RPS6KA2: variants seen among roughly 807,000 people sequenced by gnomAD.
RPS6KA2 encodes ribosomal protein S6 kinase alpha-2.
Under a neutral mutation model 91.8 loss-of-function variants are expected in RPS6KA2, and 42 were observed. That is an observed-to-expected ratio of 0.46 (90% CI 0.36 to 0.59). RPS6KA2 has a LOEUF of 0.59. RPS6KA2 is among the 20% of genes least tolerant of loss of function. The pLI is 0.00. For synonymous variants in RPS6KA2, 414 were observed against 393.6 expected, an observed-to-expected ratio of 1.05 and a Z score of -0.61; for missense variants, 798 against 978.5, an observed-to-expected ratio of 0.82 and a Z score of 2.46.
chr6:166,661,731 A>T (rs1788169324), intron 2 of RPS6KA2, among the ~76,000 whole-genome samples: 1 of 151,646 alleles, frequency 6.6e-6, no homozygotes, highest in Admixed American at 6.6e-5. Flanking sequence ...TTTTTGTGAG[A>T]TTTTCTTTCC....
chr6:166,583,361 C>A (rs549156264), intron 1 of RPS6KA2, among the ~76,000 whole-genome samples: 31 of 152,282 alleles, frequency 2.0e-4, no homozygotes, highest in African/African-American at 7.2e-4. Flanking sequence ...CTGTGATCTG[C>A]GGAAACGGCT....
At position 166,627,203 on chromosome 6, in the gene RPS6KA2, C is replaced by G. The variant is rs1044546985; in HGVS notation, c.-184G>C. The G allele has an allele frequency of 9.6e-7, 1 of 1,040,048 alleles. No individual in the cohort carries two copies. Among genetic ancestry groups the G allele is most frequent in the South Asian group, 4.6e-5 (1 of 21,830 alleles). The allele number at this position is 1,040,048 out of a possible 1,614,324, so 64.4% of individuals were successfully genotyped here. A position where few individuals can be genotyped will look rare whatever the true frequency, so the allele number is the denominator to read the frequency against. On this transcript the variant is annotated 5_prime_UTR_variant, in exon 1 of 21. Transcript: ENST00000265678. Reference sequence around the variant, plus strand: ...GGCAGGCCGCGCCGGCCACCGCGGCCGGGGCCACAATCGCTCCCTCCGCCT... The same window carrying G: ...GGCAGGCCGCGCCGGCCACCGCGGCGGGGGCCACAATCGCTCCCTCCGCCT...
At position 166,857,792 on chromosome 6, in the gene RPS6KA2, A is replaced by G. The variant is rs190193086; in HGVS notation, c.123+408T>C. On this transcript the variant is annotated intron_variant, in intron 2 of 21. Transcript: ENST00000503859. ...TCCGCTCTTCTCCCCAGCTCTGCTG[A>G]GCACCTCATCAGACATTTTAAGCAG... Among the ~76,000 whole-genome samples the G allele has an allele frequency of 2.0e-3, 299 of 152,300 alleles. 2 individuals carry two copies. Among genetic ancestry groups the G allele is most frequent in the African/African-American group, 6.9e-3 (286 of 41,562 alleles).
intron 2 of RPS6KA2, among the ~76,000 whole-genome samples, chr6:166,781,951 C>T (rs1438499988): frequency 6.6e-6 from 1 of 152,182 alleles, no homozygotes; most frequent in South Asian, 2.1e-4. Flanking sequence ...CCACTAGTGG[C>T]CAGTAGCATG....
chr6:166,759,801 G>A (rs1211793462), intron 2 of RPS6KA2, among the ~76,000 whole-genome samples: 2 of 152,186 alleles, frequency 1.3e-5, no homozygotes, highest in Middle Eastern at 3.2e-3. Context: ...CAGCTCCTGC[G>A]GAAGACACAG....
intron 2 of RPS6KA2, among the ~76,000 whole-genome samples, chr6:166,755,206 G>A (rs977313207): frequency 6.6e-6 from 1 of 152,218 alleles, no homozygotes; most frequent in Non-Finnish European, 1.5e-5. Context: ...GGTAAAGGCA[G>A]ATCTTCCAAG....
Position 166,570,757 on chromosome 6 carries a change from A to T in RPS6KA2, c.100-31973T>A, listed in dbSNP as rs963170725. On this transcript the variant is annotated intron_variant, in intron 1 of 20. Coordinates refer to ENST00000265678, the MANE Select transcript of RPS6KA2 (RefSeq NM_021135.6). ...AAAGATTTACTCCTAAATATTTAAT[A>T]GTGAATATTAAAATATTAAAAATAA... 7.2e-5 allele frequency among the ~76,000 whole-genome samples: 11 copies of T among 152,368 alleles called. No individual in the cohort carries two copies. The East Asian group carries it at 2.1e-3, about 29-fold the overall frequency.
chr6:166,766,026 G>C (rs1296809107), intron 2 of RPS6KA2, among the ~76,000 whole-genome samples: 1 of 152,174 alleles, frequency 6.6e-6, no homozygotes, highest in African/African-American at 2.4e-5. Flanking sequence ...AAATTCTCAG[G>C]GTGAATTACA....
At chr6:166,783,902 C>T (rs1778852799) in intron 2 of RPS6KA2, among the ~76,000 whole-genome samples, 2 of 59,464 alleles carry the variant, frequency 3.4e-5, no homozygotes, top group African/African-American at 1.1e-4. Context: ...CACGTGCACA[C>T]CTACGCATCA....
At chr6:166,496,939 A>T (rs1781807279) in intron 8 of RPS6KA2, among the ~76,000 whole-genome samples, 1 of 152,224 alleles carries the variant, frequency 6.6e-6, no homozygotes, top group Non-Finnish European at 1.5e-5. Context: ...CCAGCGTGGG[A>T]GGTCTCCACA....
chr6:166,800,832 G>A (rs1277933323), intron 2 of RPS6KA2, among the ~76,000 whole-genome samples: 3 of 152,138 alleles, frequency 2.0e-5, no homozygotes, highest in African/African-American at 7.2e-5. Flanking sequence ...TTTCATGGCA[G>A]GCACTGGAAA....
chr6:166,566,350 A>G (rs1784505042), intron 1 of RPS6KA2, among the ~76,000 whole-genome samples: 1 of 152,182 alleles, frequency 6.6e-6, no homozygotes, highest in Non-Finnish European at 1.5e-5. Context: ...AGGCGTAGGC[A>G]GTGTATCAGG....
At chr6:166,701,555 G>T in intron 2 of RPS6KA2, 2 of 1,451,264 alleles carry the variant, frequency 1.4e-6, no homozygotes, top group Non-Finnish European at 1.9e-6. Flanking sequence ...TTGATGTGCT[G>T]GCCCTGCTTG....
Position 166,662,661 on chromosome 6 carries a change from A to C in RPS6KA2, c.124-123877T>G, listed in dbSNP as rs1350102539. Among the ~76,000 whole-genome samples the C allele has an allele frequency of 6.6e-6, 1 of 152,122 alleles. No homozygotes were observed. Among genetic ancestry groups the C allele is most frequent in the Non-Finnish European group, 1.5e-5 (1 of 68,032 alleles). On this transcript the variant is annotated intron_variant, in intron 2 of 21. Transcript: ENST00000503859. The surrounding 1 kb of genome is among the most constrained non-coding windows in gnomAD (Gnocchi z 4.3). ...TTTGACTTGTGTATCATATACCTGG[A>C]TTCTCTGGTTTAGCTTGTAAACCCA...
intron 11 of RPS6KA2, among the ~76,000 whole-genome samples, chr6:166,465,559 G>A (rs182495149): frequency 1.1e-3 from 173 of 152,294 alleles, no homozygotes; most frequent in Admixed American, 3.7e-3. Context: ...TCACGGAGCG[G>A]GACTGTGCCT....
intron 3 of RPS6KA2, among the ~76,000 whole-genome samples, chr6:166,511,094 A>G (rs971976909): frequency 6.6e-6 from 1 of 152,182 alleles, no homozygotes. Flanking sequence ...GCCTCAGATC[A>G]GGGGGTGCCT....
intron 11 of RPS6KA2, among the ~76,000 whole-genome samples, chr6:166,461,857 CT>C (rs1170613307): frequency 6.8e-6 from 1 of 147,962 alleles, no homozygotes; most frequent in Non-Finnish European, 1.5e-5. Context: ...TTGCCCACCC[CT>C]GCCCCTGCCC....
chr6:166,647,341 C>T (rs12333059), intron 2 of RPS6KA2, among the ~76,000 whole-genome samples: 50,368 of 151,952 alleles, frequency 0.33, 8,725 homozygotes, highest in African/African-American at 0.43. Flanking sequence ...TCCCCATGGC[C>T]GCAATGGCCA....
intron 2 of RPS6KA2, among the ~76,000 whole-genome samples, chr6:166,743,978 G>A (rs1295488463): frequency 1.3e-5 from 2 of 152,130 alleles, no homozygotes; most frequent in African/African-American, 2.4e-5. Flanking sequence ...CCAGCTTCTG[G>A]CACTTTCCGA....
Sources: gnomAD v4.1 joint callset for allele counts (sites outside exome capture counted in the v4.1 genomes callset) on GRCh38, gnomAD v4.1.1 for gene constraint, Gnocchi (gnomAD v3.1) non-coding constraint, MANE v1.5 for transcripts, NCBI Gene and HGNC (gene_info 2026-07-23, HGNC 2026-07-21) for gene names.